The following CAMK4 variants were observed in gnomAD, a reference collection of about 807,000 sequenced individuals.
CAMK4 encodes calcium/calmodulin dependent protein kinase IV, also known as calcium/calmodulin-dependent protein kinase type IV.
Under a neutral mutation model 44.9 loss-of-function variants are expected in CAMK4, and 22 were observed. The ratio of observed to expected loss-of-function variants is 0.49; its 90% CI spans 0.35 to 0.70. The LOEUF (loss-of-function observed/expected upper bound fraction) is 0.70. CAMK4 is among the 30% of genes least tolerant of loss of function. The pLI is 0.01. For missense variants in CAMK4, 498 were observed against 586.8 expected (o/e 0.85, Z 1.56); for synonymous variants, 218 against 215.4 (o/e 1.01, Z -0.11).
intron 7 of CAMK4, among the ~76,000 whole-genome samples, chr5:111,463,949 A>G (rs764014926): frequency 3.9e-5 from 6 of 152,088 alleles, no homozygotes; most frequent in Non-Finnish European, 8.8e-5. Context: ...TCACACTCTC[A>G]AAAGATCCCC....
chr5:111,377,154 G>A (rs3797753), intron 4 of CAMK4, among the ~76,000 whole-genome samples: 55,293 of 151,910 alleles, frequency 0.36, 11,047 homozygotes, highest in South Asian at 0.51. Flanking sequence ...TGAGTAAAAA[G>A]AGGAACACTA....
intron 1 of CAMK4, among the ~76,000 whole-genome samples, chr5:111,267,626 C>T (rs994043243): frequency 6.1e-5 from 9 of 148,068 alleles, no homozygotes; most frequent in African/African-American, 2.0e-4. Context: ...ATGGCGTGAA[C>T]CCGGAAGGCG....
chr5:111,273,736 C>A (rs1476317404), intron 1 of CAMK4, among the ~76,000 whole-genome samples: 2 of 135,242 alleles, frequency 1.5e-5, no homozygotes, highest in African/African-American at 5.5e-5. Context: ...CATACATACA[C>A]ACACACACGC....
At chr5:111,406,931 GT>G (rs1243594840) in intron 5 of CAMK4, among the ~76,000 whole-genome samples, 3 of 152,190 alleles carry the variant, frequency 2.0e-5, no homozygotes, top group Non-Finnish European at 2.9e-5. Flanking sequence ...ATCTTTAGAA[GT>G]TAATTCAGCA....
chr5:111,225,653 T>C (rs1748153245), intron 1 of CAMK4, among the ~76,000 whole-genome samples: 1 of 152,220 alleles, frequency 6.6e-6, no homozygotes. Flanking sequence ...ATAGTATTGC[T>C]AACAGCCTTT....
chr5:111,294,317 G>C (rs1163615450), intron 1 of CAMK4, among the ~76,000 whole-genome samples: 1 of 152,006 alleles, frequency 6.6e-6, no homozygotes, highest in Admixed American at 6.6e-5. Context: ...GTAAATTTGA[G>C]GAAAAATCAC....
At chr5:111,431,006 T>TAAGC (rs1374944803) in intron 5 of CAMK4, among the ~76,000 whole-genome samples, 8 of 152,020 alleles carry the variant, frequency 5.3e-5, no homozygotes, top group African/African-American at 1.9e-4. Flanking sequence ...AGCACTATTC[T>TAAGC]AAGCAAGCAA....
At chr5:111,310,890 C>A (rs139896739) in intron 1 of CAMK4, among the ~76,000 whole-genome samples, 1 of 152,054 alleles carries the variant, frequency 6.6e-6, no homozygotes, top group Non-Finnish European at 1.5e-5. Flanking sequence ...GATGATGAGT[C>A]GCTTTAGCTG....
chr5:111,479,792 G>GTGATGTA (rs1271393592), intron 9 of CAMK4, among the ~76,000 whole-genome samples: 1 of 152,022 alleles, frequency 6.6e-6, no homozygotes, highest in East Asian at 1.9e-4. Flanking sequence ...TGTGTGATGT[G>GTGATGTA]TGATGTATAA....
intron 1 of CAMK4, among the ~76,000 whole-genome samples, chr5:111,226,685 A>T (rs1748208118): frequency 1.3e-5 from 2 of 152,246 alleles, no homozygotes; most frequent in African/African-American, 4.8e-5. Flanking sequence ...AAAACACAAT[A>T]TTCAAAAAAC....
intron 4 of CAMK4, among the ~76,000 whole-genome samples, chr5:111,386,642 A>G (rs79671891): frequency 0.012 from 1,762 of 152,354 alleles, 39 homozygotes; most frequent in African/African-American, 0.04. Flanking sequence ...AGAAATAGGC[A>G]TTGCCTGTAT....
chr5:111,314,697 T>C (rs1322563457), intron 1 of CAMK4, among the ~76,000 whole-genome samples: 2 of 152,094 alleles, frequency 1.3e-5, no homozygotes, highest in Non-Finnish European at 2.9e-5. Flanking sequence ...TTGAATATGA[T>C]TGAAAACCAT....
At chr5:111,436,242 C>T (rs140206548) in intron 5 of CAMK4, among the ~76,000 whole-genome samples, 1 of 152,234 alleles carries the variant, frequency 6.6e-6, no homozygotes, top group East Asian at 1.9e-4. Flanking sequence ...GAAATACGTA[C>T]TTAATATAGT....
At position 111,492,182 on chromosome 5, in the gene CAMK4, A is replaced by G. The variant is rs1358979784; in HGVS notation, c.*7716A>G. 1 of 152,168 alleles carries G rather than the reference A, an allele frequency of 6.6e-6. No homozygotes were observed. The highest frequency in any genetic ancestry group is 6.5e-5 in the Admixed American group (1 of 15,280). 9.4% of individuals were successfully genotyped at this position (152,168 alleles called of 1,614,324 possible). ...GATATGGAGAAAAACATAGGCATTC[A>G]TGACCTTTGTGTTTCCGTTTGACTT... On this transcript the variant is annotated 3_prime_UTR_variant, in exon 11 of 11. Transcript: ENST00000282356.
At position 111,440,410 on chromosome 5, in the gene CAMK4, A is replaced by G. The variant is rs183849290; in HGVS notation, c.460-6276A>G. On this transcript the variant is annotated intron_variant, in intron 5 of 10. Transcript: ENST00000282356. ...TTTGTTACGTAGTTGACAAAACTATAGTAAGAATGTTTCAAATCCTAGTCA... is the reference window on the plus strand; with the variant it reads ...TTTGTTACGTAGTTGACAAAACTATGGTAAGAATGTTTCAAATCCTAGTCA... Among the ~76,000 whole-genome samples, 718 of 152,068 alleles carry G rather than the reference A, an allele frequency of 4.7e-3. 4 individuals are homozygous for G. The highest frequency in any genetic ancestry group is 6.8e-3 in the Non-Finnish European group (460 of 67,830).
chr5:111,242,162 C>G (rs1749024265), intron 1 of CAMK4, among the ~76,000 whole-genome samples: 1 of 152,194 alleles, frequency 6.6e-6, no homozygotes, highest in Non-Finnish European at 1.5e-5. Flanking sequence ...CCCCCATTTG[C>G]TTTGCTCCTT....
intron 5 of CAMK4, among the ~76,000 whole-genome samples, chr5:111,433,255 A>C (rs1753526830): frequency 1.3e-5 from 2 of 152,242 alleles, no homozygotes; most frequent in African/African-American, 4.8e-5. Flanking sequence ...AAAGGGCTTG[A>C]TGACTGAGGA....
intron 2 of CAMK4, among the ~76,000 whole-genome samples, chr5:111,355,133 T>C (rs963064894): frequency 2.0e-5 from 3 of 152,062 alleles, no homozygotes; most frequent in African/African-American, 4.8e-5. Flanking sequence ...TTGGGGCCAA[T>C]TGAGATCTCA....
intron 1 of CAMK4, among the ~76,000 whole-genome samples, chr5:111,227,598 G>A (rs1748259178): frequency 6.6e-6 from 1 of 152,166 alleles, no homozygotes; most frequent in African/African-American, 2.4e-5. Flanking sequence ...AACTCAAGGG[G>A]AGCTAAACTC....
Sources: allele counts gnomAD v4.1 joint callset (sites outside exome capture counted in the v4.1 genomes callset), GRCh38; gene constraint gnomAD v4.1.1; transcripts MANE v1.5; gene names NCBI Gene and HGNC (gene_info 2026-07-23, HGNC 2026-07-21).